Variants in MVB12B observed in about 807,000 individuals in gnomAD.
MVB12B encodes ESCRT-I complex subunit MVB12B.
In MVB12B, 16 loss-of-function variants were observed where a neutral mutation model predicts 41.6. The observed-to-expected ratio is 0.38, with a 90% CI of 0.26 to 0.58. The LOEUF (loss-of-function observed/expected upper bound fraction) is 0.58. Ranked by LOEUF, MVB12B falls within the 20% of genes least tolerant of loss-of-function variation. The probability of loss-of-function intolerance (pLI) is 0.62; values close to 1 mark genes in which losing one functional copy is unlikely to be tolerated. For missense variants in MVB12B, 274 were observed against 380.2 expected (o/e 0.72, Z 2.32); for synonymous variants, 133 against 139.7 (o/e 0.95, Z 0.34).
chr9:126,465,959 TTATTC>T (rs1375323379), intron 7 of MVB12B, among the ~76,000 whole-genome samples: 1 of 152,182 alleles, frequency 6.6e-6, no homozygotes, highest in African/African-American at 2.4e-5. Context: ...TTTACTGACT[TTATTC>T]TAAGGCAGCC....
intron 3 of MVB12B, among the ~76,000 whole-genome samples, chr9:126,385,361 A>G (rs1225881094): frequency 2.0e-5 from 3 of 152,214 alleles, no homozygotes; most frequent in Non-Finnish European, 4.4e-5. Context: ...GGAAAAAGAG[A>G]GTGCCAAGAG....
At chr9:126,341,422 T>C (rs1447902321) in intron 2 of MVB12B, among the ~76,000 whole-genome samples, 1 of 152,246 alleles carries the variant, frequency 6.6e-6, no homozygotes, top group Non-Finnish European at 1.5e-5. Flanking sequence ...GGTGGTCTTA[T>C]GTTTACTTTC....
intron 6 of MVB12B, among the ~76,000 whole-genome samples, chr9:126,419,245 G>A (rs1472378409): frequency 6.6e-6 from 1 of 152,192 alleles, no homozygotes; most frequent in Admixed American, 6.5e-5. Flanking sequence ...TAGTCTGGCA[G>A]CCATGAAGCA....
chr9:126,492,755 G>C (rs1833759420), intron 9 of MVB12B, among the ~76,000 whole-genome samples: 1 of 152,302 alleles, frequency 6.6e-6, no homozygotes, highest in Non-Finnish European at 1.5e-5. Flanking sequence ...GATGTGGGAG[G>C]ATCACTTGAG....
intron 9 of MVB12B, among the ~76,000 whole-genome samples, chr9:126,497,511 TTC>T (rs1461430221): frequency 6.6e-6 from 1 of 151,962 alleles, no homozygotes; most frequent in Admixed American, 6.6e-5. Context: ...GGCAAGGAGG[TTC>T]TGTCCTGCCA....
At chr9:126,355,114 G>T (rs879284546) in intron 2 of MVB12B, among the ~76,000 whole-genome samples, 6 of 152,174 alleles carry the variant, frequency 3.9e-5, no homozygotes, top group Non-Finnish European at 8.8e-5. Flanking sequence ...TGATTAGAAC[G>T]CTCGTTTCCT....
rs551216856 is a variant in MVB12B, at chr9:126,404,982, G to A, written c.662+9285G>A. ...ATTAGAATGCAGTTCGGTATTGTTA[G>A]ATATGAATGATGAGTTTAGGCTGAG... On this transcript the variant is annotated intron_variant, in intron 6 of 9. Transcript: ENST00000361171. 1.9e-4 allele frequency among the ~76,000 whole-genome samples: 29 copies of A among 152,328 alleles called. No homozygotes were observed. The East Asian group carries it at 5.4e-3, about 28-fold the overall frequency.
chr9:126,355,618 G>A (rs1052985399), intron 2 of MVB12B, among the ~76,000 whole-genome samples: 4 of 152,174 alleles, frequency 2.6e-5, no homozygotes, highest in Non-Finnish European at 4.4e-5. Flanking sequence ...TCTTGTTGTC[G>A]GGTGGCATTT....
At chr9:126,441,716 C>G (rs939001789) in intron 7 of MVB12B, among the ~76,000 whole-genome samples, 2 of 152,048 alleles carry the variant, frequency 1.3e-5, no homozygotes, top group Non-Finnish European at 2.9e-5. Context: ...AGCTACAAAA[C>G]TGTAAGTTTG....
chr9:126,489,860 G>T (rs920657528), intron 9 of MVB12B, among the ~76,000 whole-genome samples: 1 of 152,184 alleles, frequency 6.6e-6, no homozygotes, highest in African/African-American at 2.4e-5. Context: ...ACCAGGGGCT[G>T]GTCAGTGGCA....
chr9:126,403,583 C>A (rs372010249), intron 6 of MVB12B, among the ~76,000 whole-genome samples: 20 of 152,298 alleles, frequency 1.3e-4, no homozygotes, highest in Admixed American at 1.1e-3. Flanking sequence ...TTTCCTTTTT[C>A]TCCTTTAAAG....
At chr9:126,496,020 A>AG (rs1271769948) in intron 9 of MVB12B, among the ~76,000 whole-genome samples, 9 of 152,088 alleles carry the variant, frequency 5.9e-5, no homozygotes, top group Non-Finnish European at 1.3e-4. Context: ...AGTCATGCCC[A>AG]GGGGCCCCAG....
Position 126,504,979 on chromosome 9 carries a change from A to G in MVB12B, c.*1716A>G, listed in dbSNP as rs1416629022. 1 of 152,140 alleles carries G rather than the reference A, an allele frequency of 6.6e-6. No homozygotes were observed. Among genetic ancestry groups the G allele is most frequent in the African/African-American group, 2.4e-5 (1 of 41,422 alleles). The allele number at this position is 152,140 out of a possible 1,614,324, so 9.4% of individuals were successfully genotyped here. A position where few individuals can be genotyped will look rare whatever the true frequency, so the allele number is the denominator to read the frequency against. The stretch of plus-strand genomic sequence containing the variant: ...GAGCCCTGTGGCACCCACAGGGGGC[A>G]CCTATGTCTGCCGTGGCTCCTCGGG... On this transcript the variant is annotated 3_prime_UTR_variant, in exon 10 of 10. Coordinates refer to ENST00000361171, the MANE Select transcript of MVB12B (RefSeq NM_033446.3).
At chr9:126,429,788 C>G (rs925219226) in intron 7 of MVB12B, among the ~76,000 whole-genome samples, 1 of 152,220 alleles carries the variant, frequency 6.6e-6, no homozygotes, top group East Asian at 1.9e-4. Context: ...CAGGCAGACA[C>G]ACAGGGCACT....
At chr9:126,388,315 T>G (rs1407643221) in intron 4 of MVB12B, among the ~76,000 whole-genome samples, 1 of 152,226 alleles carries the variant, frequency 6.6e-6, no homozygotes, top group African/African-American at 2.4e-5. Context: ...GACCAGCTTC[T>G]CTCACTTAGC....
chr9:126,415,247 T>G (rs1010621941), intron 6 of MVB12B, among the ~76,000 whole-genome samples: 3 of 152,092 alleles, frequency 2.0e-5, no homozygotes, highest in Non-Finnish European at 4.4e-5. Context: ...CCAGAGGCCT[T>G]TGTATGGGAA....
rs1301559528 is a variant in MVB12B, at chr9:126,504,331, C to A, written c.*1068C>A. 6.6e-6 allele frequency: 1 copy of A among 152,318 alleles called. No individual in the cohort carries two copies. Among genetic ancestry groups the A allele is most frequent in the Admixed American group, 6.5e-5 (1 of 15,294 alleles). 9.4% of individuals were successfully genotyped at this position (152,318 alleles called of 1,614,324 possible). A position where few individuals can be genotyped will look rare whatever the true frequency, so the allele number is the denominator to read the frequency against. ...GCGTTTGCCTAGGCAGTGGTGGCTG[C>A]CATCCCTCGGGGCCCAGGCCCTCAC... On this transcript the variant is annotated 3_prime_UTR_variant, in exon 10 of 10. Coordinates refer to ENST00000361171, the MANE Select transcript of MVB12B (RefSeq NM_033446.3).
chr9:126,338,748 C>A (rs761183932), intron 1 of MVB12B, among the ~76,000 whole-genome samples: 1 of 152,162 alleles, frequency 6.6e-6, no homozygotes, highest in South Asian at 2.1e-4. Flanking sequence ...TTTCATGTTA[C>A]CAATACTACG....
chr9:126,460,944 G>A (rs958265478), intron 7 of MVB12B, among the ~76,000 whole-genome samples: 2 of 152,168 alleles, frequency 1.3e-5, no homozygotes, highest in Non-Finnish European at 1.5e-5. Flanking sequence ...ACAGCCTGGC[G>A]CAGAGCAAGC....
Sources: allele counts gnomAD v4.1 joint callset (sites outside exome capture counted in the v4.1 genomes callset), GRCh38; gene constraint gnomAD v4.1.1; transcripts MANE v1.5; gene names NCBI Gene and HGNC (gene_info 2026-07-23, HGNC 2026-07-21).